Variants in LPAR1 observed in about 807,000 individuals in gnomAD.
The protein encoded by LPAR1 is LPA receptor 1.
Under a neutral mutation model 23.8 loss-of-function variants are expected in LPAR1, and 5 were observed. That is an observed-to-expected ratio of 0.21 (90% CI 0.11 to 0.44). The LOEUF (loss-of-function observed/expected upper bound fraction) is 0.44, where lower values mean the gene tolerates loss of function less well. LPAR1 is among the 20% of genes least tolerant of loss of function. The pLI is 0.99. For synonymous variants in LPAR1, 160 were observed against 164.7 expected (o/e 0.97, Z 0.22); for missense variants, 311 against 482.8 (o/e 0.64, Z 3.33).
rs71371692 is a variant in LPAR1 at position 110,879,417 on chromosome 9, CAA to C, written c.794-3697_794-3696del. ...TGAGTGACAGAGCAAGACTCCATCT[CAA>C]AAAAAAAAAAAAAAAAAAAAAAGGA... On this transcript the variant is annotated intron_variant, in intron 5 of 5. Transcript: ENST00000683809. Among the ~76,000 whole-genome samples the C allele has an allele frequency of 1.7e-3, 78 of 47,176 alleles. No individual in the cohort carries two copies. The South Asian group carries it at 0.029, about 17-fold the overall frequency. 30.9% of individuals were successfully genotyped at this position (47,176 alleles called of 152,430 possible). A position where few individuals can be genotyped will look rare whatever the true frequency, so the allele number is the denominator to read the frequency against.
chr9:110,991,075 T>A (rs2096884260), intron 2 of LPAR1, among the ~76,000 whole-genome samples: 1 of 152,064 alleles, frequency 6.6e-6, no homozygotes, highest in South Asian at 2.1e-4. Context: ...TATACAAAAA[T>A]TAACTGAAAA....
intron 5 of LPAR1, among the ~76,000 whole-genome samples, chr9:110,918,352 A>G (rs902757360): frequency 7.9e-5 from 12 of 152,206 alleles, no homozygotes; most frequent in African/African-American, 2.9e-4. Context: ...CATGTTTCCT[A>G]TACCAAAAAG....
chr9:110,960,339 A>G (rs2095918394), intron 4 of LPAR1, among the ~76,000 whole-genome samples: 1 of 152,216 alleles, frequency 6.6e-6, no homozygotes, highest in African/African-American at 2.4e-5. Flanking sequence ...TTATGTATCA[A>G]TAAATAAACC....
chr9:110,942,417 T>C (rs1352183187), intron 4 of LPAR1, among the ~76,000 whole-genome samples: 1 of 152,210 alleles, frequency 6.6e-6, no homozygotes, highest in Non-Finnish European at 1.5e-5. Context: ...TGGTTTTATG[T>C]CATTGAAGTC....
intron 2 of LPAR1, among the ~76,000 whole-genome samples, chr9:110,983,745 A>C (rs1285885731): frequency 6.6e-6 from 1 of 152,078 alleles, no homozygotes; most frequent in African/African-American, 2.4e-5. Flanking sequence ...TAAGCTTTAA[A>C]AATTAAAAGA....
At chr9:111,028,104 C>A (rs976284806) in intron 2 of LPAR1, among the ~76,000 whole-genome samples, 3 of 150,102 alleles carry the variant, frequency 2.0e-5, no homozygotes, top group Admixed American at 1.3e-4. Context: ...TTTAAAACTG[C>A]AAGAAATTAT....
chr9:110,898,632 C>T (rs2087388103), intron 5 of LPAR1, among the ~76,000 whole-genome samples: 1 of 152,168 alleles, frequency 6.6e-6, no homozygotes, highest in African/African-American at 2.4e-5. Context: ...AAGCAAGCCT[C>T]CAATATTGTC....
At position 110,941,816 on chromosome 9, in the gene LPAR1, G is replaced by A. The variant is rs2136172560; in HGVS notation, c.398C>T (p.Thr133Met). 6 of 1,614,194 alleles carry A rather than the reference G, an allele frequency of 3.7e-6. No individual in the cohort carries two copies. Among genetic ancestry groups the A allele is most frequent in the Non-Finnish European group, 5.1e-6 (6 of 1,180,028 alleles). ...LRQGLIDTSL[T>M]ASVANLLAIA... ...AGCCAGTAAGTTGGCCACAGATGCC[G>A]TCAGGCTGGTGTCAATGAGGCCCTG... is the stretch of plus-strand genomic sequence containing the variant. The change falls in exon 5 of 6, where the codon ACG (threonine) becomes ATG (methionine). Residue 133 changes from threonine to methionine, a missense_variant. Coordinates refer to ENST00000683809, the MANE Select transcript of LPAR1 (RefSeq NM_001351411.2). This position sits in a 1 kb window ranked among gnomAD's most constrained non-coding sequence, Gnocchi z 6.1.
Position 110,941,483 on chromosome 9 carries a change from G to T in LPAR1, c.731C>A (p.Ser244Tyr). 1 of 1,614,080 alleles carries T rather than the reference G, an allele frequency of 6.2e-7. No homozygotes were observed. The highest frequency in any genetic ancestry group is 8.5e-7 in the Non-Finnish European group (1 of 1,179,978). Residue 244 changes from serine (S) to tyrosine (Y), a missense_variant, in exon 5 of 6, where the codon TCT becomes TAT. Ser to Tyr is a moderately radical substitution (Grantham distance 144). Transcript: ENST00000683809. The surrounding 1 kb of genome is among the most constrained non-coding windows in gnomAD (Gnocchi z 6.1). Reference protein sequence around the residue: ...QRTMRMSRHSSGPRRNRDTMM... With the variant: ...QRTMRMSRHSYGPRRNRDTMM... ...GGTATCCCGATTCCGCCGGGGTCCA[G>T]AACTATGCCGAGACATTCTCATAGT...
At chr9:110,881,658 G>A (rs964478730) in intron 5 of LPAR1, among the ~76,000 whole-genome samples, 2 of 152,136 alleles carry the variant, frequency 1.3e-5, no homozygotes, top group Non-Finnish European at 2.9e-5. Context: ...GAAAAGCCAG[G>A]TAAAACCACT....
At chr9:110,893,968 T>A in intron 5 of LPAR1, among the ~76,000 whole-genome samples, 1 of 152,196 alleles carries the variant, frequency 6.6e-6, no homozygotes, top group East Asian at 1.9e-4. Context: ...AATTATTACT[T>A]TTCTTTATTC....
chr9:110,885,632 G>A (rs947974275), intron 5 of LPAR1, among the ~76,000 whole-genome samples: 3 of 152,158 alleles, frequency 2.0e-5, no homozygotes, highest in African/African-American at 7.2e-5. Flanking sequence ...ATACAAAAAA[G>A]GAAAGGCTTT....
rs138699809 is a variant in LPAR1 at position 110,905,377 on chromosome 9, G to A, written c.794-29655C>T. On this transcript the variant is annotated intron_variant, in intron 5 of 5. Coordinates refer to ENST00000683809, the MANE Select transcript of LPAR1 (RefSeq NM_001351411.2). ...TTTTTTTTTTTGCAGAAGGGGTCTCGCTCTATTACGCAGGCTGGAGTGCAG... is the reference window on the plus strand; with the variant it reads ...TTTTTTTTTTTGCAGAAGGGGTCTCACTCTATTACGCAGGCTGGAGTGCAG... Among the ~76,000 whole-genome samples the A allele has an allele frequency of 5.9e-3, 853 of 145,372 alleles. 7 individuals are homozygous for A. Among genetic ancestry groups the A allele is most frequent in the African/African-American group, 0.02 (790 of 39,726 alleles).
intron 2 of LPAR1, among the ~76,000 whole-genome samples, chr9:110,979,280 A>T (rs565170664): frequency 3.9e-4 from 59 of 152,054 alleles, no homozygotes; most frequent in Non-Finnish European, 7.2e-4. Flanking sequence ...ACTTTAAGGA[A>T]TGTGCCCAAA....
intron 2 of LPAR1, among the ~76,000 whole-genome samples, chr9:111,017,976 G>A (rs984309128): frequency 1.6e-4 from 24 of 152,072 alleles, no homozygotes; most frequent in African/African-American, 3.4e-4. Flanking sequence ...CCGAGATGGC[G>A]CCACTGCACT....
intron 5 of LPAR1, among the ~76,000 whole-genome samples, chr9:110,884,888 T>C (rs749579244): frequency 1.4e-4 from 21 of 152,216 alleles, no homozygotes; most frequent in Non-Finnish European, 2.6e-4. Flanking sequence ...ATCCTTGATG[T>C]CTCTTAATTT....
intron 4 of LPAR1, among the ~76,000 whole-genome samples, chr9:110,965,451 T>C (rs1588581729): frequency 6.6e-6 from 1 of 151,992 alleles, no homozygotes; most frequent in Admixed American, 6.6e-5. Flanking sequence ...CCCATCAAAA[T>C]GTGGGTGAAG....
chr9:110,967,398 C>T (rs2096261610), intron 4 of LPAR1, among the ~76,000 whole-genome samples: 1 of 152,208 alleles, frequency 6.6e-6, no homozygotes. Context: ...TTGAAACAAT[C>T]ACAAGCTATT....
intron 5 of LPAR1, among the ~76,000 whole-genome samples, chr9:110,881,297 T>C (rs1267749208): frequency 6.6e-6 from 1 of 152,172 alleles, no homozygotes; most frequent in Non-Finnish European, 1.5e-5. Context: ...GTATTTTCAT[T>C]ACTCACTCTT....
Sources: allele counts gnomAD v4.1 joint callset (sites outside exome capture counted in the v4.1 genomes callset), GRCh38; gene constraint gnomAD v4.1.1; non-coding constraint Gnocchi (gnomAD v3.1); transcripts MANE v1.5; gene names NCBI Gene and HGNC (gene_info 2026-07-23, HGNC 2026-07-21).